Variants in MACF1 observed in about 807,000 individuals in gnomAD.
MACF1 encodes the protein microtubule actin crosslinking factor 1.
In MACF1, 193 loss-of-function variants were observed where a neutral mutation model predicts 854.8. The ratio of observed to expected loss-of-function variants is 0.23; its 90% CI spans 0.20 to 0.25. MACF1 has a LOEUF of 0.25. Ranked by LOEUF, MACF1 falls within the 10% of genes least tolerant of loss-of-function variation. MACF1 has a pLI of 1.00. For synonymous variants in MACF1, 3,185 were observed against 3,226.7 expected (o/e 0.99, Z 0.44); for missense variants, 7,722 against 8,929.1 (o/e 0.86, Z 5.45).
chr1:39,427,821 C>T, intron 62 of MACF1, 140 bp from the exon 63 acceptor site: 1 of 905,338 alleles, frequency 1.1e-6, no homozygotes, highest in Non-Finnish European at 1.6e-6. Context: ...CTTTTGTTCC[C>T]AATTTTTATA....
intron 4 of MACF1, 125 bp downstream of exon 4, chr1:39,252,066 G>A: frequency 1.9e-6 from 1 of 521,700 alleles, no homozygotes; most frequent in Non-Finnish European, 3.0e-6. Context: ...CATTTCAACT[G>A]GGAATTTGGG....
chr1:39,272,232 G>T (rs1645336151), intron 6 of MACF1, among the ~76,000 whole-genome samples: 1 of 152,192 alleles, frequency 6.6e-6, no homozygotes, highest in Non-Finnish European at 1.5e-5. Flanking sequence ...CAGAATGAAA[G>T]TCCTTAAGGC....
intron 2 of MACF1, among the ~76,000 whole-genome samples, chr1:39,149,122 C>T (rs185137575): frequency 8.5e-5 from 13 of 152,146 alleles, no homozygotes; most frequent in East Asian, 1.9e-4. Context: ...TCTTGAATGC[C>T]GGAGAGAGTG....
chr1:39,355,910 G>C (rs2148509764), intron 44 of MACF1, among the ~76,000 whole-genome samples: 1 of 152,122 alleles, frequency 6.6e-6, no homozygotes, highest in African/African-American at 2.4e-5. Context: ...TTGTTGCTCA[G>C]GCTGGTCTCA....
chr1:39,123,717 G>GTTTTTTTTT (rs1170430073), intron 2 of MACF1, among the ~76,000 whole-genome samples: 9 of 100,462 alleles, frequency 9.0e-5, no homozygotes, highest in Admixed American at 1.4e-4. Context: ...TTCTTGTTTT[G>GTTTTTTTTT]TTTTTTTTTT....
intron 1 of MACF1, among the ~76,000 whole-genome samples, chr1:39,214,474 G>A (rs1644552088): frequency 1.3e-5 from 2 of 152,342 alleles, no homozygotes; most frequent in South Asian, 4.1e-4. Flanking sequence ...TGCACTGACT[G>A]TAAAGACAGA....
At chr1:39,232,942 C>T (rs1644800832) in intron 2 of MACF1, among the ~76,000 whole-genome samples, 1 of 151,900 alleles carries the variant, frequency 6.6e-6, no homozygotes, top group Non-Finnish European at 1.5e-5. Context: ...ACTACCACAC[C>T]CGGCTAATTT....
chr1:39,160,462 C>T lies in MACF1; in HGVS notation c.221-70720C>T, dbSNP rs1643774672. Among the ~76,000 whole-genome samples the T allele has an allele frequency of 2.6e-5, 4 of 152,302 alleles. No homozygotes were observed. In the South Asian group the frequency reaches 8.3e-4, roughly 32 times the overall value. On this transcript the variant is annotated intron_variant, in intron 2 of 93. Transcript: ENST00000361689. ...TCTTTTCTCTCCACACTACTACTCACCTTGAATGGAGTTCTGTTTTCTAAT... is the reference window on the plus strand; with the variant it reads ...TCTTTTCTCTCCACACTACTACTCATCTTGAATGGAGTTCTGTTTTCTAAT...
chr1:39,429,700 T>C (rs1384181350), intron 64 of MACF1, 127 bp from the exon 65 acceptor site: 1 of 939,272 alleles, frequency 1.1e-6, no homozygotes, highest in Non-Finnish European at 1.6e-6. Context: ...ATGGGATAGG[T>C]GAAATCATTA....
chr1:39,451,469 T>C (rs1644339790), intron 85 of MACF1, among the ~76,000 whole-genome samples: 1 of 152,214 alleles, frequency 6.6e-6, no homozygotes, highest in African/African-American at 2.4e-5. Flanking sequence ...TTTCTCTCAG[T>C]TGAGTCACAA....
chr1:39,193,638 G>C (rs554838073), intron 2 of MACF1, among the ~76,000 whole-genome samples: 1 of 152,080 alleles, frequency 6.6e-6, no homozygotes, highest in Non-Finnish European at 1.5e-5. Context: ...ACTGTGAAGA[G>C]GTAATTTTAT....
rs1282358098 is a variant in MACF1 at position 39,283,145 on chromosome 1, T to C, written c.696-44T>C. On this transcript the variant is annotated intron_variant, in intron 7 of 100. Coordinates refer to ENST00000564288, the MANE Select transcript of MACF1 (RefSeq NM_001394062.1). The surrounding 1 kb of genome is among the most constrained non-coding windows in gnomAD (Gnocchi z 4.5). ...TTTCTTTGTGTAAACTCATGTGTGATGTGTAGATGGTGGCGTTTCATGTGC... is the reference window on the plus strand; with the variant it reads ...TTTCTTTGTGTAAACTCATGTGTGACGTGTAGATGGTGGCGTTTCATGTGC... The C allele has an allele frequency of 8.4e-7, 1 of 1,185,808 alleles. No individual in the cohort carries two copies. The highest frequency in any genetic ancestry group is 1.5e-5 in the African/African-American group (1 of 67,044). The allele number at this position is 1,185,808 out of a possible 1,614,324, so 73.5% of individuals were successfully genotyped here. A position where few individuals can be genotyped will look rare whatever the true frequency, so the allele number is the denominator to read the frequency against.
At position 39,282,239 on chromosome 1, in the gene MACF1, G is replaced by C. The variant is rs1484259945; in HGVS notation, c.560G>C (p.Gly187Ala). ...ISDIYISGES[G>A]DMSAKEKLLL... ...GACATCTACATTAGTGGAGAATCAGGGGATATGTCAGCCAAGGAGAAACTA... is the reference window on the plus strand; with the variant it reads ...GACATCTACATTAGTGGAGAATCAGCGGATATGTCAGCCAAGGAGAAACTA... The change falls in exon 7 of 101, where the codon GGG becomes GCG. Residue 187 changes from glycine to alanine, a missense_variant. Gly to Ala is a moderately conservative substitution (Grantham distance 60). Around this residue, in one of 15 missense-constraint regions of MACF1, gnomAD observed 108 missense variants for 196.4 expected, o/e 0.55. Coordinates refer to ENST00000564288, the MANE Select transcript of MACF1 (RefSeq NM_001394062.1). The C allele has an allele frequency of 6.2e-7, 1 of 1,613,904 alleles. No homozygotes were observed. The highest frequency in any genetic ancestry group is 1.7e-5 in the Admixed American group (1 of 60,008).
intron 93 of MACF1, 128 bp from the exon 94 acceptor site, chr1:39,463,484 C>G (rs1046035945): frequency 1.0e-4 from 64 of 622,404 alleles, no homozygotes; most frequent in Non-Finnish European, 1.6e-4. Context: ...GAGCGAAACT[C>G]CATCTCAAAA....
In MACF1 at chr1:39,402,836, T is replaced by C. The variant is rs566792342; in HGVS notation, c.15816+14178T>C. Among the ~76,000 whole-genome samples the C allele has an allele frequency of 3.3e-5, 5 of 152,290 alleles. No homozygotes were observed. The East Asian group carries it at 9.6e-4, about 29-fold the overall frequency. On this transcript the variant is annotated intron_variant, in intron 58 of 100. Coordinates refer to ENST00000564288, the MANE Select transcript of MACF1 (RefSeq NM_001394062.1). ...TCAGATCTTCTTTCTTGAAAGTTAA[T>C]TTACTTTCTGGACATTGTGCTCTTC... is the stretch of plus-strand genomic sequence containing the variant.
intron 2 of MACF1, among the ~76,000 whole-genome samples, chr1:39,241,120 T>C (rs1644918206): frequency 6.6e-6 from 1 of 152,076 alleles, no homozygotes; most frequent in Non-Finnish European, 1.5e-5. Context: ...AATATCGGTT[T>C]CTGTTTTTAC....
chr1:39,408,817 T>C (rs1404594343), intron 58 of MACF1, among the ~76,000 whole-genome samples: 2 of 151,742 alleles, frequency 1.3e-5, no homozygotes, highest in Non-Finnish European at 2.9e-5. Flanking sequence ...GCCGAACGGC[T>C]GGCGTCCCGG....
Position 39,485,686 on chromosome 1 carries a change from AG to A in MACF1, c.22565del (p.Gly7522AlafsTer9). 1 of 1,614,112 alleles carries A rather than the reference AG, an allele frequency of 6.2e-7. No individual in the cohort carries two copies. The highest frequency in any genetic ancestry group is 8.5e-7 in the Non-Finnish European group (1 of 1,180,010). ...CSDTSESSAA[G>X]GQGNSRRGLN... The stretch of plus-strand genomic sequence containing the variant: ...CCGACACTTCAGAAAGCAGCGCTGC[AG>A]GGGGCCAAGGCAACTCCAGGAGAGG... On this transcript the variant is annotated frameshift_variant, in exon 101 of 101. Coordinates refer to ENST00000564288, the MANE Select transcript of MACF1 (RefSeq NM_001394062.1). LOFTEE classifies it high-confidence loss of function.
At chr1:39,411,770 A>G in intron 58 of MACF1, 1 of 1,613,962 alleles carries the variant, frequency 6.2e-7, no homozygotes, top group Non-Finnish European at 8.5e-7. Context: ...CAGGATGCAG[A>G]AAATTTACTC....
Sources: gnomAD v4.1 joint callset for allele counts (sites outside exome capture counted in the v4.1 genomes callset) on GRCh38, gnomAD v4.1.1 for gene constraint, gnomAD v4.1.1 regional missense constraint, Gnocchi (gnomAD v3.1) non-coding constraint, MANE v1.5 for transcripts, NCBI Gene and HGNC (gene_info 2026-07-23, HGNC 2026-07-21) for gene names.